Variants in TECR observed in about 807,000 individuals in gnomAD.
TECR encodes the protein trans-2,3-enoyl-CoA reductase, also known as very-long-chain enoyl-CoA reductase.
Under a neutral mutation model 50.6 loss-of-function variants are expected in TECR, and 19 were observed. That is an observed-to-expected ratio of 0.38 (90% CI 0.26 to 0.55). TECR has a LOEUF of 0.55. Among genes scored for constraint, TECR ranks in the 20% least tolerant of loss-of-function variants. TECR has a pLI of 0.79. For synonymous variants in TECR, 168 were observed against 163.5 expected (o/e 1.03, Z -0.21); for missense variants, 313 against 408.3 (o/e 0.77, Z 2.01).
At chr19:14,536,588 C>T (rs1026830243) in intron 1 of TECR, 15 of 152,102 alleles carry the variant, frequency 9.9e-5, no homozygotes, top group Non-Finnish European at 1.9e-4. Context: ...GCTTTTTAAT[C>T]CATAAAATGA....
At chr19:14,529,280 C>A, upstream of TECR, 1 of 344,012 alleles carries the variant, frequency 2.9e-6, no homozygotes. Flanking sequence ...CTTCTTACCC[C>A]GCCCCCGCGT....
At chr19:14,541,783 A>AT (rs113623037) in intron 1 of TECR, among the ~76,000 whole-genome samples, 2,585 of 134,372 alleles carry the variant, frequency 0.019, 37 homozygotes, top group South Asian at 0.057. Flanking sequence ...ACTTCTTTTC[A>AT]TTTTTTTTTT....
intron 1 of TECR, among the ~76,000 whole-genome samples, chr19:14,561,710 C>T (rs1307612329): frequency 6.6e-6 from 1 of 152,164 alleles, no homozygotes; most frequent in Non-Finnish European, 1.5e-5. Flanking sequence ...AAAACTTCCA[C>T]ACACCCCGAT....
chr19:14,549,455 T>C lies in TECR; in HGVS notation c.16-13070T>C, dbSNP rs910735556. The stretch of plus-strand genomic sequence containing the variant: ...CTTGAACTCCTAGTCTTGAAGACCT[T>C]GTGATCTGCCCTCCTTGGCCCCCTA... On this transcript the variant is annotated intron_variant, in intron 1 of 12. Transcript: ENST00000215567. Among the ~76,000 whole-genome samples the C allele has an allele frequency of 1.4e-4, 21 of 152,100 alleles. 1 individual carries two copies. The highest frequency in any genetic ancestry group is 1.2e-3 in the Admixed American group (18 of 15,286).
chr19:14,534,103 A>G (rs935249544), intron 1 of TECR: 10 of 151,372 alleles, frequency 6.6e-5, no homozygotes, highest in East Asian at 5.8e-4. Context: ...GGGGTCCCCC[A>G]TAACCCACAT....
intron 1 of TECR, among the ~76,000 whole-genome samples, chr19:14,547,779 T>C (rs77300784): frequency 0.19 from 28,924 of 151,564 alleles, 3,266 homozygotes; most frequent in South Asian, 0.4. Context: ...TTGCCTTAGC[T>C]TCCTGATTAT....
chr19:14,532,830 C>T (rs917107788), intron 1 of TECR, among the ~76,000 whole-genome samples: 2 of 152,176 alleles, frequency 1.3e-5, no homozygotes, highest in Non-Finnish European at 2.9e-5. Flanking sequence ...ATATTTCTGG[C>T]CGGGCGAGGT....
intron 1 of TECR, among the ~76,000 whole-genome samples, chr19:14,547,963 C>CTTT (rs1043298294): frequency 8.0e-6 from 1 of 125,676 alleles, no homozygotes. Context: ...ATGGGCATTT[C>CTTT]TTTTTTTTTT....
chr19:14,565,728 C>G lies in TECR; in HGVS notation c.800-16C>G. 1 of 1,612,470 alleles carries G rather than the reference C, an allele frequency of 6.2e-7. No homozygotes were observed. Among genetic ancestry groups the G allele is most frequent in the Non-Finnish European group, 8.5e-7 (1 of 1,179,758 alleles). ...CGGGCCGGCAGCCCCTCCCTGACGC[C>G]CGTTCTTTCCTGCAGTGGCCCTGTT... is the stretch of plus-strand genomic sequence containing the variant. On this transcript the variant is annotated splice_polypyrimidine_tract_variant and intron_variant, in intron 12 of 12. Coordinates refer to ENST00000215567, the MANE Select transcript of TECR (RefSeq NM_138501.6).
chr19:14,563,564 C>T lies in TECR; in HGVS notation c.119-94C>T, dbSNP rs2073968507. ...CTGTGGAGTCCTGGGGTCCTTGCAC[C>T]CTGGGAACCCTGAGAAGCTGGCACA... On this transcript the variant is annotated intron_variant, in intron 3 of 12. Coordinates refer to ENST00000215567, the MANE Select transcript of TECR (RefSeq NM_138501.6). This position sits in a 1 kb window ranked among gnomAD's most constrained non-coding sequence, Gnocchi z 5.3. The T allele has an allele frequency of 3.2e-6, 5 of 1,561,030 alleles. No individual in the cohort carries two copies. The East Asian group carries it at 9.1e-5, about 28-fold the overall frequency.
intron 1 of TECR, among the ~76,000 whole-genome samples, chr19:14,561,717 C>G (rs781587036): frequency 1.3e-5 from 2 of 152,144 alleles, no homozygotes; most frequent in African/African-American, 2.4e-5. Context: ...CCACACACCC[C>G]GATCCTTTCC....
intron 1 of TECR, among the ~76,000 whole-genome samples, chr19:14,553,606 A>T (rs939696581): frequency 6.6e-6 from 1 of 152,014 alleles, no homozygotes; most frequent in African/African-American, 2.4e-5. Context: ...TAGCAGGTTG[A>T]CTTGATATTT....
intron 1 of TECR, among the ~76,000 whole-genome samples, chr19:14,561,794 C>T (rs1262652219): frequency 6.6e-6 from 1 of 152,216 alleles, no homozygotes; most frequent in Non-Finnish European, 1.5e-5. Context: ...AACACAAATG[C>T]ACAAGGAAAA....
At chr19:14,529,547 C>T (rs1189686448), upstream of TECR, 2 of 1,212,400 alleles carry the variant, frequency 1.6e-6, no homozygotes, top group East Asian at 2.4e-5. Context: ...CCTGATTGGC[C>T]GACGGGGCGC....
At chr19:14,564,622 T>A in intron 7 of TECR, 164 bp from the exon 8 acceptor site, 1 of 344,340 alleles carries the variant, frequency 2.9e-6, no homozygotes, top group Admixed American at 3.7e-5. Flanking sequence ...CACAGAGCCC[T>A]GCCCTAGCCT....
chr19:14,529,351 G>A (rs1000700558), upstream of TECR: 6 of 474,708 alleles, frequency 1.3e-5, no homozygotes, highest in Non-Finnish European at 1.9e-5. Flanking sequence ...CGTGGCAAAG[G>A]GACGCGCGGG....
At chr19:14,558,483 G>C (rs780374448) in intron 1 of TECR, among the ~76,000 whole-genome samples, 1 of 152,132 alleles carries the variant, frequency 6.6e-6, no homozygotes, top group East Asian at 1.9e-4. Context: ...GTGCTGCGAC[G>C]AGTTGCTGTT....
chr19:14,549,780 T>TA (rs1163271532), intron 1 of TECR, among the ~76,000 whole-genome samples: 1 of 151,800 alleles, frequency 6.6e-6, no homozygotes, highest in Non-Finnish European at 1.5e-5. Flanking sequence ...CCATCTCTAC[T>TA]AAAAATACAA....
intron 1 of TECR, among the ~76,000 whole-genome samples, chr19:14,550,418 G>A (rs149736449): frequency 6.6e-5 from 10 of 152,190 alleles, no homozygotes; most frequent in South Asian, 6.3e-4. Context: ...GGGTTGGCCC[G>A]GATGAGCTCC....
Sources: allele counts gnomAD v4.1 joint callset (sites outside exome capture counted in the v4.1 genomes callset), GRCh38; gene constraint gnomAD v4.1.1; non-coding constraint Gnocchi (gnomAD v3.1); transcripts MANE v1.5; gene names NCBI Gene and HGNC (gene_info 2026-07-23, HGNC 2026-07-21).